FKBP5: variants seen among roughly 807,000 people sequenced by gnomAD.
FKBP5 encodes FKBP prolyl isomerase 5.
In FKBP5, 23 loss-of-function variants were observed where a neutral mutation model predicts 50.5. The observed-to-expected ratio is 0.46, with a 90% CI of 0.33 to 0.65. The LOEUF (loss-of-function observed/expected upper bound fraction) is 0.65. FKBP5 is among the 30% of genes least tolerant of loss of function. The pLI is 0.02. For synonymous variants in FKBP5, 176 were observed against 190.6 expected (o/e 0.92, Z 0.63); for missense variants, 411 against 553.1 (o/e 0.74, Z 2.58).
intron 3 of FKBP5, among the ~76,000 whole-genome samples, chr6:35,629,732 G>A (rs868158101): frequency 1.3e-5 from 2 of 152,116 alleles, no homozygotes; most frequent in Non-Finnish European, 2.9e-5. Context: ...TGAGAAATTT[G>A]CTCAGCTTTC....
At chr6:35,683,961 G>A (rs142439024) in intron 1 of FKBP5, among the ~76,000 whole-genome samples, 18 of 152,226 alleles carry the variant, frequency 1.2e-4, no homozygotes, top group African/African-American at 4.3e-4. Context: ...AGGAGGCTGA[G>A]GCAGGAAGAA....
intron 2 of FKBP5, among the ~76,000 whole-genome samples, chr6:35,714,720 G>A: frequency 6.6e-6 from 1 of 151,314 alleles, no homozygotes; most frequent in Non-Finnish European, 1.5e-5. Context: ...GGGAGGCTGA[G>A]GCATGAGAAT....
chr6:35,706,424 C>CAAAAAAAAAA (rs71002595), intron 2 of FKBP5, among the ~76,000 whole-genome samples: 3 of 103,816 alleles, frequency 2.9e-5, no homozygotes, highest in Non-Finnish European at 4.1e-5. Flanking sequence ...AACTCTGTCT[C>CAAAAAAAAAA]AAAAAAAAAA....
At chr6:35,673,366 AGAGT>A (rs1403960652) in intron 1 of FKBP5, among the ~76,000 whole-genome samples, 1 of 152,180 alleles carries the variant, frequency 6.6e-6, no homozygotes, top group African/African-American at 2.4e-5. Flanking sequence ...CCTAGGCAAC[AGAGT>A]GAGACCCCAT....
At chr6:35,580,779 G>A (rs1431268125) in intron 8 of FKBP5, 3 of 807,866 alleles carry the variant, frequency 3.7e-6, no homozygotes, top group African/African-American at 3.7e-5. Context: ...CTGACCTTGT[G>A]ATCCGCCTGC....
At chr6:35,642,925 C>T (rs1287761972) in intron 1 of FKBP5, 82 bp from the exon 2 acceptor site, 5 of 973,150 alleles carry the variant, frequency 5.1e-6, no homozygotes, top group Non-Finnish European at 7.7e-6. Flanking sequence ...TGAGCTCTAC[C>T]TAACCTAAGA....
chr6:35,683,093 A>G (rs1765717264), intron 1 of FKBP5, among the ~76,000 whole-genome samples: 2 of 150,238 alleles, frequency 1.3e-5, no homozygotes, highest in South Asian at 4.2e-4. Context: ...TTTAAAAAAA[A>G]AAGTGTGTGT....
chr6:35,688,466 G>T (rs1189076359), intron 1 of FKBP5, among the ~76,000 whole-genome samples: 1 of 151,728 alleles, frequency 6.6e-6, no homozygotes, highest in Non-Finnish European at 1.5e-5. Context: ...CAGTGAGGAC[G>T]GGCGGGCGCG....
At position 35,575,884 on chromosome 6, in the gene FKBP5, C is replaced by A. The variant is rs1244606770; in HGVS notation, c.1325G>T (p.Gly442Val). 6.2e-7 allele frequency: 1 copy of A among 1,614,094 alleles called. No homozygotes were observed. The highest frequency in any genetic ancestry group is 8.5e-7 in the Non-Finnish European group (1 of 1,179,970). The change falls in exon 11 of 11, where the codon GGA becomes GTA. Residue 442 changes from glycine (G) to valine (V), a missense_variant. Transcript: ENST00000357266. ...TTCTTCCATTGCTTGACTGTCTGTTCCTTTTTCATTAGTGACCCCTTCTGA... is the reference window on the plus strand; with the variant it reads ...TTCTTCCATTGCTTGACTGTCTGTTACTTTTTCATTAGTGACCCCTTCTGA... ...KTSEGVTNEKGTDSQAMEEEK... is the reference protein window; with the variant it reads ...KTSEGVTNEKVTDSQAMEEEK...
At chr6:35,584,166 T>C (rs1762531896) in intron 8 of FKBP5, 2 of 985,356 alleles carry the variant, frequency 2.0e-6, no homozygotes, top group Admixed American at 6.1e-5. Context: ...GCTTGCACAA[T>C]GCCTGGCTTA....
At chr6:35,590,357 A>G (rs1372685878) in intron 7 of FKBP5, among the ~76,000 whole-genome samples, 2 of 152,176 alleles carry the variant, frequency 1.3e-5, no homozygotes, top group Non-Finnish European at 2.9e-5. Context: ...AGGAATAAAA[A>G]AGGAACACAA....
upstream of FKBP5, among the ~76,000 whole-genome samples, chr6:35,689,463 C>G (rs1435400240): frequency 4.6e-5 from 7 of 152,062 alleles, no homozygotes; most frequent in African/African-American, 1.4e-4. Context: ...CCTCTGGACA[C>G]CCAGTGACTG....
intron 1 of FKBP5, among the ~76,000 whole-genome samples, chr6:35,666,369 C>T (rs1337924231): frequency 2.3e-5 from 1 of 42,850 alleles, no homozygotes; most frequent in Admixed American, 3.0e-4. Flanking sequence ...AGCAAAAATA[C>T]ATGCAGAAAC....
chr6:35,724,072 C>T (rs1001396655), intron 1 of FKBP5, among the ~76,000 whole-genome samples: 3 of 152,196 alleles, frequency 2.0e-5, no homozygotes, highest in African/African-American at 7.2e-5. Context: ...TAAATGTACA[C>T]AGCCTGATAT....
At chr6:35,592,673 T>C (rs1762858174) in intron 6 of FKBP5, among the ~76,000 whole-genome samples, 1 of 152,236 alleles carries the variant, frequency 6.6e-6, no homozygotes, top group Non-Finnish European at 1.5e-5. Context: ...CAGTTGCAAA[T>C]GCAACAAATG....
intron 1 of FKBP5, among the ~76,000 whole-genome samples, chr6:35,667,019 CTGTGTGTG>C (rs35407744): frequency 0.2 from 30,347 of 148,726 alleles, 3,052 homozygotes; most frequent in African/African-American, 0.24. Flanking sequence ...GTGTGTGTGT[CTGTGTGTG>C]TGTGTGTGTG....
In FKBP5 at chr6:35,665,947, T is replaced by C. The variant is rs1765201602; in HGVS notation, c.-20+22857A>G. On this transcript the variant is annotated intron_variant, in intron 1 of 10. Transcript: ENST00000357266. ...TCTATTAGATGGTTTTGCCCAACTG[T>C]AGGCTAATTTAAGTGTTCTGAGCAT... Among the ~76,000 whole-genome samples, 3 of 152,226 alleles carry C rather than the reference T, an allele frequency of 2.0e-5. No homozygotes were observed. The South Asian group carries it at 6.2e-4, about 31-fold the overall frequency.
At chr6:35,720,350 C>A in exon 2 of FKBP5, 1 of 152,694 alleles carries the variant, frequency 6.5e-6, no homozygotes, top group Non-Finnish European at 1.5e-5. Flanking sequence ...GCGTTCTGTC[C>A]CTGCAGCCCA....
intron 1 of FKBP5, among the ~76,000 whole-genome samples, chr6:35,666,840 A>C (rs1214248856): frequency 6.6e-6 from 1 of 152,138 alleles, no homozygotes; most frequent in Non-Finnish European, 1.5e-5. Context: ...CCGAGATTGC[A>C]CCACTGCACT....
Sources: allele counts gnomAD v4.1 joint callset (sites outside exome capture counted in the v4.1 genomes callset), GRCh38; gene constraint gnomAD v4.1.1; transcripts MANE v1.5; gene names NCBI Gene and HGNC (gene_info 2026-07-23, HGNC 2026-07-21).